Variants in ANKRD24 observed in about 807,000 individuals in gnomAD.
The protein encoded by ANKRD24 is ankyrin repeat domain-containing protein 24.
Under a neutral mutation model 127.8 loss-of-function variants are expected in ANKRD24, and 109 were observed. That is an observed-to-expected ratio of 0.85 (90% CI 0.73 to 1.00). The LOEUF is 1.00. Ranked by LOEUF, ANKRD24 falls within the 50% of genes least tolerant of loss-of-function variation. ANKRD24 has a pLI of 0.00. For missense variants in ANKRD24, 1,648 were observed against 1,570.2 expected (o/e 1.05, Z -0.84); for synonymous variants, 743 against 671.1 (o/e 1.11, Z -1.66).
At chr19:4,206,185 T>TTAAA (rs1398155641) in intron 7 of ANKRD24, among the ~76,000 whole-genome samples, 1 of 132,860 alleles carries the variant, frequency 7.5e-6, no homozygotes, top group Non-Finnish European at 1.6e-5. Context: ...ATAAATAAAA[T>TTAAA]TAAATAAATA....
In ANKRD24 at chr19:4,217,209, ATCCACAGGAGTCAGT is replaced by A. The variant is rs1360336541; in HGVS notation, c.2050_2064del (p.Ser684_Ser688del). On this transcript the variant is annotated inframe_deletion, in exon 18 of 22. Transcript: ENST00000318934. ...CGGGCTCTAGGGCCACAGGGATGGA[ATCCACAGGAGTCAGT>A]GCCACAGGTGTGGAGAACCCAGGGG... 6.2e-7 allele frequency: 1 copy of A among 1,607,404 alleles called. No homozygotes were observed. The highest frequency in any genetic ancestry group is 2.2e-5 in the East Asian group (1 of 44,706).
rs749609439 is a variant in ANKRD24, at chr19:4,202,008, T to C, written c.344-18T>C. 6.2e-7 allele frequency: 1 copy of C among 1,613,106 alleles called. No homozygotes were observed. Among genetic ancestry groups the C allele is most frequent in the South Asian group, 1.1e-5 (1 of 91,062 alleles). On this transcript the variant is annotated intron_variant, in intron 5 of 21. Transcript: ENST00000318934. ...CTTGAATAGCTGGAGCTCCAGTAAA[T>C]CTTCTTTCCTTCCCCAGGTTACAAT... is the stretch of plus-strand genomic sequence containing the variant.
intron 20 of ANKRD24, among the ~76,000 whole-genome samples, chr19:4,223,401 A>ATATAT (rs1192232980): frequency 1.1e-4 from 6 of 53,326 alleles, no homozygotes; most frequent in East Asian, 1.0e-3. Flanking sequence ...ATATATATAT[A>ATATAT]TTTTTTTTTT....
chr19:4,200,032 A>AT, intron 4 of ANKRD24, 27 bp downstream of exon 4: 1 of 1,566,350 alleles, frequency 6.4e-7, no homozygotes, highest in Non-Finnish European at 8.7e-7. Flanking sequence ...CGGGAGTGAG[A>AT]TGGCTGAGGG....
intron 2 of ANKRD24, among the ~76,000 whole-genome samples, chr19:4,196,223 A>G (rs1968726588): frequency 6.6e-6 from 1 of 152,194 alleles, no homozygotes; most frequent in Admixed American, 6.5e-5. Context: ...CAGAGAGGGA[A>G]AGCGATTAGC....
chr19:4,205,997 C>G (rs1196813617), intron 7 of ANKRD24, among the ~76,000 whole-genome samples: 1 of 150,904 alleles, frequency 6.6e-6, no homozygotes, highest in Non-Finnish European at 1.5e-5. Context: ...AAAAAATTAG[C>G]CGGGTGTGGT....
chr19:4,208,716 C>T, intron 10 of ANKRD24, 48 bp from the exon 11 acceptor site: 1 of 1,589,980 alleles, frequency 6.3e-7, no homozygotes, highest in Non-Finnish European at 8.6e-7. Context: ...CAATGCCCTT[C>T]CTGGGCCTGG....
chr19:4,210,904 GCTT>G (rs1969699655), intron 13 of ANKRD24, among the ~76,000 whole-genome samples: 2 of 151,820 alleles, frequency 1.3e-5, no homozygotes, highest in African/African-American at 4.8e-5. Flanking sequence ...TACGATCTCG[GCTT>G]ATTGCCACCT....
At chr19:4,189,406 A>G (rs929569342) in intron 2 of ANKRD24, among the ~76,000 whole-genome samples, 3 of 151,126 alleles carry the variant, frequency 2.0e-5, no homozygotes, top group Non-Finnish European at 4.4e-5. Flanking sequence ...ACGCACTACC[A>G]CGCCCAGCAA....
chr19:4,223,392 TATATATA>T lies in ANKRD24; in HGVS notation c.3297+598_3297+604del, dbSNP rs1377766626. On this transcript the variant is annotated intron_variant, in intron 20 of 21. Coordinates refer to ENST00000318934, the MANE Select transcript of ANKRD24 (RefSeq NM_001393985.1). Reference sequence around the variant, plus strand: ...CCATACATATATATATATATATATATATATATATATTTTTTTTTTTTTTTTTTTGAGC... The same window carrying T: ...CCATACATATATATATATATATATATTATTTTTTTTTTTTTTTTTTTGAGC... Among the ~76,000 whole-genome samples, 615 of 86,544 alleles carry T rather than the reference TATATATA, an allele frequency of 7.1e-3. 3 individuals are homozygous for T. Among genetic ancestry groups the T allele is most frequent in the African/African-American group, 0.013 (221 of 16,504 alleles). The allele number at this position is 86,544 out of a possible 152,430, so 56.8% of individuals were successfully genotyped here. A position where few individuals can be genotyped will look rare whatever the true frequency, so the allele number is the denominator to read the frequency against.
At chr19:4,202,414 C>CA (rs984487981) in intron 6 of ANKRD24, among the ~76,000 whole-genome samples, 33 of 152,058 alleles carry the variant, frequency 2.2e-4, no homozygotes, top group African/African-American at 7.5e-4. Flanking sequence ...ACTAAAAATA[C>CA]AAAAAATTAG....
At position 4,198,514 on chromosome 19, in the gene ANKRD24, C is replaced by T. The variant is rs1599415138; in HGVS notation, c.37-1169C>T. 4.9e-6 allele frequency: 3 copies of T among 613,294 alleles called. No homozygotes were observed. The highest frequency in any genetic ancestry group is 1.7e-5 in the South Asian group (1 of 57,830). 38.0% of individuals were successfully genotyped at this position (613,294 alleles called of 1,614,324 possible). A position where few individuals can be genotyped will look rare whatever the true frequency, so the allele number is the denominator to read the frequency against. On this transcript the variant is annotated intron_variant, in intron 2 of 21. Coordinates refer to ENST00000318934, the MANE Select transcript of ANKRD24 (RefSeq NM_001393985.1). The surrounding 1 kb of genome is among the most constrained non-coding windows in gnomAD (Gnocchi z 6.1). ...ACGCCATGAAGCAGCTGTGTCTGTG[C>T]GCAGCCGCCTCCTTCGCGGTAGGGC...
chr19:4,223,857 C>T (rs1970595830), intron 20 of ANKRD24, among the ~76,000 whole-genome samples: 1 of 152,080 alleles, frequency 6.6e-6, no homozygotes. Flanking sequence ...AGCCACTGCA[C>T]CTGGCCAATT....
chr19:4,224,452 C>G lies in ANKRD24; in HGVS notation c.3388C>G (p.Arg1130Gly), dbSNP rs746397311. ...GGGCCAGATGGATGAAGATGTGCAG[C>G]GGATTCTCAGCCAGATTCTGCAGAT... is the stretch of plus-strand genomic sequence containing the variant. ...IQGQMDEDVQ[R>G]ILSQILQMQR... Residue 1130 changes from arginine to glycine, a missense_variant, in exon 22 of 22, where the codon CGG (arginine) becomes GGG (glycine). Arg to Gly is a moderately radical substitution (Grantham distance 125). Coordinates refer to ENST00000318934, the MANE Select transcript of ANKRD24 (RefSeq NM_001393985.1). 2.5e-6 allele frequency: 4 copies of G among 1,613,312 alleles called. No individual in the cohort carries two copies. Among genetic ancestry groups the G allele is most frequent in the Non-Finnish European group, 3.4e-6 (4 of 1,179,714 alleles).
At position 4,216,022 on chromosome 19, in the gene ANKRD24, TGAG is replaced by T; in HGVS notation, c.1247_1249del (p.Glu416del). 2 of 1,600,486 alleles carry T rather than the reference TGAG, an allele frequency of 1.2e-6. No individual in the cohort carries two copies. Among genetic ancestry groups the T allele is most frequent in the Non-Finnish European group, 1.7e-6 (2 of 1,174,226 alleles). ...GCTATGACGTAACCACCCTGCAGGA[TGAG>T]GAGGGTGAGCTGCCTGACCTTCCAG... is the stretch of plus-strand genomic sequence containing the variant. On this transcript the variant is annotated inframe_deletion, in exon 16 of 22. Coordinates refer to ENST00000318934, the MANE Select transcript of ANKRD24 (RefSeq NM_001393985.1).
At chr19:4,200,970 G>A (rs1969065551) in intron 5 of ANKRD24, among the ~76,000 whole-genome samples, 1 of 152,152 alleles carries the variant, frequency 6.6e-6, no homozygotes, top group Non-Finnish European at 1.5e-5. Context: ...ACTGCTTGGA[G>A]TTTGGAGGAG....
chr19:4,222,735 C>T lies in ANKRD24; in HGVS notation c.3237C>T (p.Leu1079=), dbSNP rs757718067. 6.6e-5 allele frequency: 107 copies of T among 1,612,012 alleles called. No individual in the cohort carries two copies. The highest frequency in any genetic ancestry group is 8.3e-5 in the Non-Finnish European group (98 of 1,178,928). ...CCTTGAAGGAGCAGCCGGCCGCCCT[C>T]GCCACCCCTGAGGTGGAGGCTCTCC... ...KEALKEQPAA[L]ATPEVEALRD... is the part of the protein sequence containing the mutation. The change falls in exon 20 of 22, where the codon CTC becomes CTT. Residue 1079 remains leucine (L), a synonymous_variant. Coordinates refer to ENST00000318934, the MANE Select transcript of ANKRD24 (RefSeq NM_001393985.1).
chr19:4,214,169 T>C lies in ANKRD24; in HGVS notation c.1197+1471T>C, dbSNP rs201650297. Among the ~76,000 whole-genome samples the C allele has an allele frequency of 1.0e-4, 15 of 145,496 alleles. No homozygotes were observed. The East Asian group carries it at 2.0e-3, about 20-fold the overall frequency. On this transcript the variant is annotated intron_variant, in intron 15 of 21. Coordinates refer to ENST00000318934, the MANE Select transcript of ANKRD24 (RefSeq NM_001393985.1). ...CAAATACATACACATGCAACAAATA[T>C]TTCTTTTTTTTTTTTGAGACAGGGT... is the stretch of plus-strand genomic sequence containing the variant.
intron 5 of ANKRD24, among the ~76,000 whole-genome samples, chr19:4,201,122 A>G (rs1393490045): frequency 6.6e-6 from 1 of 152,064 alleles, no homozygotes; most frequent in African/African-American, 2.4e-5. Context: ...GAGCTCTTGG[A>G]GTAGCTGGGT....
Sources: allele counts gnomAD v4.1 joint callset (sites outside exome capture counted in the v4.1 genomes callset), GRCh38; gene constraint gnomAD v4.1.1; non-coding constraint Gnocchi (gnomAD v3.1); transcripts MANE v1.5; gene names NCBI Gene and HGNC (gene_info 2026-07-23, HGNC 2026-07-21).